Variants in RGS5 observed in about 807,000 individuals in gnomAD.
The protein encoded by RGS5 is regulator of G protein signaling 5.
Under a neutral mutation model 18.9 loss-of-function variants are expected in RGS5, and 20 were observed. That is an observed-to-expected ratio of 1.06 (90% CI 0.74 to 1.54). The LOEUF is 1.54. Ranked by LOEUF, RGS5 falls within the 40% of genes most tolerant of loss-of-function variation. RGS5 has a pLI of 0.00. For missense variants in RGS5, 201 were observed against 211.8 expected (o/e 0.95, Z 0.32); for synonymous variants, 57 against 76.2 (o/e 0.75, Z 1.31).
chr1:163,174,816 C>T (rs890768193), intron 1 of RGS5, among the ~76,000 whole-genome samples: 4 of 152,144 alleles, frequency 2.6e-5, no homozygotes, highest in Non-Finnish European at 5.9e-5. Context: ...CAATCACAAA[C>T]AGGTTTCGCT....
At chr1:163,167,286 A>C (rs553216346) in intron 2 of RGS5, among the ~76,000 whole-genome samples, 1 of 152,314 alleles carries the variant, frequency 6.6e-6, no homozygotes, top group Admixed American at 6.5e-5. Flanking sequence ...GATATCCTCA[A>C]AGCTCTAAGA....
intron 2 of RGS5, among the ~76,000 whole-genome samples, chr1:163,290,941 C>T (rs558498298): frequency 1.3e-5 from 2 of 152,048 alleles, no homozygotes; most frequent in Admixed American, 6.6e-5. Flanking sequence ...TTTGTAAATG[C>T]CAACTACAGG....
intron 1 of RGS5, among the ~76,000 whole-genome samples, chr1:163,184,600 G>A (rs937577524): frequency 7.9e-5 from 12 of 152,092 alleles, no homozygotes; most frequent in Non-Finnish European, 1.0e-4. Flanking sequence ...ATCTTGAAGT[G>A]GGAATTTATC....
At chr1:163,187,142 G>A (rs370478056) in intron 1 of RGS5, among the ~76,000 whole-genome samples, 1 of 152,104 alleles carries the variant, frequency 6.6e-6, no homozygotes, top group African/African-American at 2.4e-5. Context: ...CAAACATCAG[G>A]GCCCAATCTG....
intron 2 of RGS5, among the ~76,000 whole-genome samples, chr1:163,235,310 T>G (rs1176038246): frequency 6.6e-6 from 1 of 152,160 alleles, no homozygotes; most frequent in Non-Finnish European, 1.5e-5. Flanking sequence ...GCTAGACACC[T>G]CTGAACAAAA....
intron 1 of RGS5, among the ~76,000 whole-genome samples, chr1:163,313,860 G>C (rs1649939456): frequency 6.6e-6 from 1 of 152,178 alleles, no homozygotes; most frequent in Non-Finnish European, 1.5e-5. Flanking sequence ...AAGCGTTTGA[G>C]ATTAGGAAGC....
Position 163,231,074 on chromosome 1 carries a change from G to A in RGS5, c.-280-62706C>T, listed in dbSNP as rs187382279. Among the ~76,000 whole-genome samples, 450 of 152,306 alleles carry A rather than the reference G, an allele frequency of 3.0e-3. 1 individual carries two copies. The highest frequency in any genetic ancestry group is 9.8e-3 in the African/African-American group (406 of 41,560). ...CTGGCCAATACAGCAGAGCGGAGGC[G>A]GAGTGAGAGAAACTGCATGCATGTC... is the stretch of plus-strand genomic sequence containing the variant. On this transcript the variant is annotated intron_variant, in intron 2 of 5. Transcript: ENST00000618415.
intron 1 of RGS5, chr1:163,211,612 T>A (rs1463174023): frequency 2.0e-5 from 3 of 152,158 alleles, no homozygotes; most frequent in African/African-American, 7.2e-5. Flanking sequence ...CCTCACTGTA[T>A]CTAAACTCCA....
At chr1:163,226,433 C>G (rs936086998) in intron 2 of RGS5, among the ~76,000 whole-genome samples, 1 of 152,096 alleles carries the variant, frequency 6.6e-6, no homozygotes, top group African/African-American at 2.4e-5. Flanking sequence ...GAATGAGTGG[C>G]CCCATGGACC....
rs964684764 is a variant in RGS5, at chr1:163,216,438, C to T, written c.69+1088G>A. Among the ~76,000 whole-genome samples, 4 of 152,160 alleles carry T rather than the reference C, an allele frequency of 2.6e-5. No homozygotes were observed. In the East Asian group the frequency reaches 7.7e-4, roughly 29 times the overall value. On this transcript the variant is annotated intron_variant, in intron 1 of 5. Coordinates refer to the RGS5 transcript ENST00000367903. ...ATGGGCTCCAGCCTTCACAGATTTC[C>T]CCCACTGTCTTGTGGAGGAAATAAA...
At position 163,144,568 on chromosome 1, in the gene RGS5, G is replaced by T. The variant is rs3820487; in HGVS notation, c.*2774C>A. On this transcript the variant is annotated 3_prime_UTR_variant, in exon 5 of 5. Transcript: ENST00000313961. ...TTACGTTTTCACAGGGGAGGAAAAC[G>T]CCAGTACAACAGGGTTCTTGCATCA... 30,910 of 152,328 alleles carry T rather than the reference G, an allele frequency of 0.2. 5,142 individuals are homozygous for T. The highest frequency in any genetic ancestry group is 0.46 in the African/African-American group (19,006 of 41,362). 9.4% of individuals were successfully genotyped at this position (152,328 alleles called of 1,614,324 possible).
chr1:163,205,289 G>A (rs745644289), upstream of RGS5, among the ~76,000 whole-genome samples: 12 of 135,460 alleles, frequency 8.9e-5, no homozygotes, highest in African/African-American at 1.4e-4. Context: ...ATACTGTACC[G>A]TACACTTAAA....
chr1:163,232,704 A>T (rs534665841), intron 2 of RGS5, among the ~76,000 whole-genome samples: 51 of 152,332 alleles, frequency 3.3e-4, no homozygotes, highest in African/African-American at 1.2e-3. Flanking sequence ...ATTAAATACT[A>T]TAGGAATCCT....
intron 1 of RGS5, among the ~76,000 whole-genome samples, chr1:163,209,775 A>G (rs576554157): frequency 6.6e-6 from 1 of 152,120 alleles, no homozygotes; most frequent in Admixed American, 6.5e-5. Context: ...GCTTGCTGTC[A>G]TAGCTTCTGC....
intron 1 of RGS5, chr1:163,308,469 C>T (rs1177732563): frequency 1.3e-5 from 2 of 151,982 alleles, no homozygotes; most frequent in Non-Finnish European, 2.9e-5. Context: ...AAAGAGATAA[C>T]ACAAAAAATA....
At chr1:163,157,003 A>G (rs183085435) in intron 3 of RGS5, among the ~76,000 whole-genome samples, 3 of 152,320 alleles carry the variant, frequency 2.0e-5, no homozygotes, top group Admixed American at 6.5e-5. Context: ...GAGCCAGAAA[A>G]GAGAAGGAAG....
intron 2 of RGS5, among the ~76,000 whole-genome samples, chr1:163,282,435 G>A (rs1308114103): frequency 2.6e-5 from 4 of 152,092 alleles, no homozygotes; most frequent in Admixed American, 1.3e-4. Context: ...TATGCCAGAT[G>A]TGGTGGTTCA....
chr1:163,261,549 T>C (rs1051757805), intron 2 of RGS5, among the ~76,000 whole-genome samples: 1 of 152,172 alleles, frequency 6.6e-6, no homozygotes, highest in Non-Finnish European at 1.5e-5. Context: ...GAACTCTCTG[T>C]TCTCAACAAC....
At chr1:163,303,373 C>T (rs976605794) in intron 2 of RGS5, among the ~76,000 whole-genome samples, 3 of 152,132 alleles carry the variant, frequency 2.0e-5, no homozygotes, top group Non-Finnish European at 4.4e-5. Context: ...ATTAAGATAG[C>T]TTTGAAAAGA....
Sources: gnomAD v4.1 joint callset for allele counts (sites outside exome capture counted in the v4.1 genomes callset) on GRCh38, gnomAD v4.1.1 for gene constraint, MANE v1.5 for transcripts, NCBI Gene and HGNC (gene_info 2026-07-23, HGNC 2026-07-21) for gene names.